SLC4A9: variants seen among roughly 807,000 people sequenced by gnomAD.
The protein encoded by SLC4A9 is anion exchange protein 4.
Under a neutral mutation model 103.2 loss-of-function variants are expected in SLC4A9, and 102 were observed. The observed-to-expected ratio is 0.99, with a 90% CI of 0.84 to 1.17. The LOEUF (loss-of-function observed/expected upper bound fraction) is 1.17, where lower values mean the gene tolerates loss of function less well. SLC4A9 is among the 50% of genes most tolerant of loss of function. The pLI, the probability that SLC4A9 is intolerant of heterozygous loss-of-function variation, is 0.00. For synonymous variants in SLC4A9, 453 were observed against 483.6 expected (o/e 0.94, Z 0.83); for missense variants, 1,091 against 1,193.7 (o/e 0.91, Z 1.27).
chr5:140,367,805 C>G lies in SLC4A9; in HGVS notation c.2261C>G (p.Ser754Ter). The change falls in exon 16 of 22, where the codon TCA becomes TGA. Residue 754 changes from serine to a stop codon, truncating the protein, a stop_gained. Transcript: ENST00000506757. LOFTEE classifies it high-confidence loss of function. ...GCGCTTGGACTGCCTTGGTATGTCT[C>G]AGCCACTGTCATCTCCCTGGCTCAC... is the stretch of plus-strand genomic sequence containing the variant. The part of the protein sequence containing the change: ...TSALGLPWYV[S>*]ATVISLAHMD... 6.2e-7 allele frequency: 1 copy of G among 1,613,992 alleles called. No homozygotes were observed. The highest frequency in any genetic ancestry group is 8.5e-7 in the Non-Finnish European group (1 of 1,179,896).
Position 140,363,190 on chromosome 5 carries a change from G to A in SLC4A9, c.962+124G>A, listed in dbSNP as rs1767360955. On this transcript the variant is annotated intron_variant, in intron 7 of 21. Transcript: ENST00000506757. The surrounding 1 kb of genome is among the most constrained non-coding windows in gnomAD (Gnocchi z 4.5). ...GACCTATCTTTGGATTTGGAGTCAG[G>A]CAGACCTAACTCTGAGTTCTGCTGG... 2.3e-6 allele frequency: 3 copies of A among 1,304,808 alleles called. No individual in the cohort carries two copies. Among genetic ancestry groups the A allele is most frequent in the African/African-American group, 1.5e-5 (1 of 66,278 alleles). The allele number at this position is 1,304,808 out of a possible 1,614,324, so 80.8% of individuals were successfully genotyped here. A position where few individuals can be genotyped will look rare whatever the true frequency, so the allele number is the denominator to read the frequency against.
intron 13 of SLC4A9, 34 bp from the exon 14 acceptor site, chr5:140,366,117 G>A (rs751128341): frequency 6.2e-7 from 1 of 1,609,580 alleles, no homozygotes; most frequent in Non-Finnish European, 8.5e-7. Context: ...GAGATGGCAG[G>A]CCTGGACCTG....
Position 140,372,784 on chromosome 5 carries a change from A to C in SLC4A9, c.2866A>C (p.Ile956Leu). The C allele has an allele frequency of 6.4e-7, 1 of 1,573,942 alleles. No individual in the cohort carries two copies. Residue 956 changes from isoleucine to leucine, a missense_variant, in exon 21 of 22, where the codon ATT becomes CTT. Transcript: ENST00000506757. Reference protein sequence around the residue: ...MYQPKAPEINISVN With the variant: ...MYQPKAPEINLSVN Reference sequence around the variant, plus strand: ...TCAGCCAAAGGCTCCAGAAATCAACATTTCTGTGAATTAGCTGGAGTAGGA... The same window carrying C: ...TCAGCCAAAGGCTCCAGAAATCAACCTTTCTGTGAATTAGCTGGAGTAGGA...
rs2126753281 is a variant in SLC4A9, at chr5:140,363,452, C to T, written c.976C>T (p.Gln326Ter). 6.4e-7 allele frequency: 1 copy of T among 1,551,324 alleles called. No homozygotes were observed. The highest frequency in any genetic ancestry group is 8.7e-7 in the Non-Finnish European group (1 of 1,147,000). Reference sequence around the variant, plus strand: ...CCTCCTCCTCAGGCTTCCCTCGCAACAGCGGGAGATCAGAGGTCCCGCCGT... The same window carrying T: ...CCTCCTCCTCAGGCTTCCCTCGCAATAGCGGGAGATCAGAGGTCCCGCCGT... Reference protein sequence around the residue: ...PSQHKRLPSQQREIRGPAVPR... With the variant: ...PSQHKRLPSQ The change falls in exon 8 of 22, where the codon CAG (glutamine) becomes TAG (stop). Residue 326 changes from glutamine to a stop codon, truncating the protein, a stop_gained. Coordinates refer to ENST00000506757, the MANE Select transcript of SLC4A9 (RefSeq NM_031467.3). LOFTEE classifies it high-confidence loss of function. The surrounding 1 kb of genome is among the most constrained non-coding windows in gnomAD (Gnocchi z 4.5).
Position 140,361,818 on chromosome 5 carries a change from T to C in SLC4A9, c.516T>C (p.His172=). 1 of 1,613,980 alleles carries C rather than the reference T, an allele frequency of 6.2e-7. No individual in the cohort carries two copies. The highest frequency in any genetic ancestry group is 1.1e-5 in the South Asian group (1 of 91,082). Residue 172 remains histidine (H), a synonymous_variant, in exon 4 of 22, where the codon CAT becomes CAC. Transcript: ENST00000506757. The stretch of plus-strand genomic sequence containing the variant: ...AATCCTGTTTTGTAGGCTCTACTCA[T>C]CCAAGAAAGGCTTCTGACAATGAGG... ...TGTRPCWGST[H]PRKASDNEEA... is the part of the protein sequence containing the mutation.
chr5:140,360,707 C>A (rs1561565761), intron 1 of SLC4A9, 105 bp from the exon 2 acceptor site: 2 of 1,546,204 alleles, frequency 1.3e-6, no homozygotes, highest in Non-Finnish European at 8.8e-7. Flanking sequence ...CACCACTGGG[C>A]CCAGGATGCC....
intron 21 of SLC4A9, among the ~76,000 whole-genome samples, chr5:140,373,144 G>A (rs1012050456): frequency 6.6e-5 from 10 of 152,224 alleles, no homozygotes; most frequent in African/African-American, 2.2e-4. Flanking sequence ...GAATGGGAAA[G>A]AGTGGGAAGG....
rs986740030 is a variant in SLC4A9, at chr5:140,366,747, A to T, written c.2013+483A>T. Among the ~76,000 whole-genome samples, 31 of 152,298 alleles carry T rather than the reference A, an allele frequency of 2.0e-4. No homozygotes were observed. In the East Asian group the frequency reaches 6.0e-3, roughly 29 times the overall value. Reference sequence around the variant, plus strand: ...AAATGTTAGCTATTATTGTTACGGGATTGCCCCACCCTTGGCGTGGCCCTG... The same window carrying T: ...AAATGTTAGCTATTATTGTTACGGGTTTGCCCCACCCTTGGCGTGGCCCTG... On this transcript the variant is annotated intron_variant, in intron 14 of 21. Coordinates refer to ENST00000506757, the MANE Select transcript of SLC4A9 (RefSeq NM_031467.3).
rs768872006 is a variant in SLC4A9, at chr5:140,371,572, G to C, written c.2618G>C (p.Gly873Ala). The change falls in exon 19 of 22, where the codon GGG becomes GCG. Residue 873 changes from glycine to alanine, a missense_variant. By Grantham distance (60) the Gly-to-Ala change is moderately conservative. Coordinates refer to ENST00000506757, the MANE Select transcript of SLC4A9 (RefSeq NM_031467.3). ...LFTAIQLACL[G>A]LLWIIKSTPA... ...ACAGCCATCCAGCTTGCCTGTCTGGGGCTGCTTTGGATAATCAAGTCTACC... is the reference window on the plus strand; with the variant it reads ...ACAGCCATCCAGCTTGCCTGTCTGGCGCTGCTTTGGATAATCAAGTCTACC... The C allele has an allele frequency of 6.2e-7, 1 of 1,613,964 alleles. No individual in the cohort carries two copies. The highest frequency in any genetic ancestry group is 1.1e-5 in the South Asian group (1 of 91,086).
chr5:140,373,948 C>T (rs1314799618), intron 21 of SLC4A9, among the ~76,000 whole-genome samples: 1 of 152,088 alleles, frequency 6.6e-6, no homozygotes, highest in East Asian at 1.9e-4. Flanking sequence ...AATCCCAGCA[C>T]TTTGGGAGGC....
chr5:140,366,092 T>A, intron 13 of SLC4A9, 59 bp from the exon 14 acceptor site: 1 of 1,607,018 alleles, frequency 6.2e-7, no homozygotes, highest in Non-Finnish European at 8.5e-7. Flanking sequence ...TGATGGGAAG[T>A]GGTGTGGAAA....
At position 140,362,287 on chromosome 5, in the gene SLC4A9, C is replaced by A. The variant is rs539988979; in HGVS notation, c.719+113C>A. ...CTCTGAGGCTGTGGGGAGGATGGTG[C>A]TCAGGGGTCTGGGGAGAGAGTAGTG... On this transcript the variant is annotated intron_variant, in intron 5 of 21. Coordinates refer to ENST00000506757, the MANE Select transcript of SLC4A9 (RefSeq NM_031467.3). The A allele has an allele frequency of 2.1e-4, 274 of 1,308,786 alleles. No individual in the cohort carries two copies. The South Asian group carries it at 3.8e-3, about 18-fold the overall frequency. 81.1% of individuals were successfully genotyped at this position (1,308,786 alleles called of 1,614,324 possible).
chr5:140,363,510 G>A lies in SLC4A9; in HGVS notation c.1034G>A (p.Arg345His). The change falls in exon 8 of 22, where the codon CGC (arginine) becomes CAC (histidine). Residue 345 changes from arginine to histidine, a missense_variant. Coordinates refer to ENST00000506757, the MANE Select transcript of SLC4A9 (RefSeq NM_031467.3). The surrounding 1 kb of genome is among the most constrained non-coding windows in gnomAD (Gnocchi z 4.5). Reference sequence around the variant, plus strand: ...CTGACCTCGGCTGAGGACAGGCACCGCCATGGGCCACACGCACACAGCCCG... The same window carrying A: ...CTGACCTCGGCTGAGGACAGGCACCACCATGGGCCACACGCACACAGCCCG... ...PRLTSAEDRH[R>H]HGPHAHSPEL... is the part of the protein sequence containing the mutation. 2.6e-6 allele frequency: 4 copies of A among 1,552,166 alleles called. No homozygotes were observed. Among genetic ancestry groups the A allele is most frequent in the Non-Finnish European group, 8.7e-7 (1 of 1,147,570 alleles).
At chr5:140,372,430 G>C (rs1768869057) in intron 20 of SLC4A9, 33 bp downstream of exon 20, 1 of 1,600,282 alleles carries the variant, frequency 6.2e-7, no homozygotes, top group Non-Finnish European at 8.5e-7. Flanking sequence ...TCAGGAGAAT[G>C]TGTCAGGGTT....
chr5:140,361,592 C>T (rs976847610), intron 3 of SLC4A9, among the ~76,000 whole-genome samples: 2 of 152,196 alleles, frequency 1.3e-5, no homozygotes, highest in South Asian at 4.1e-4. Flanking sequence ...CTAGGCCTAC[C>T]ATTTGATCTT....
At chr5:140,364,341 T>G in intron 10 of SLC4A9, 22 bp from the exon 11 acceptor site, 1 of 1,611,280 alleles carries the variant, frequency 6.2e-7, no homozygotes, top group Non-Finnish European at 8.5e-7. Flanking sequence ...TAAGCCAGCC[T>G]TCCTGTCTCT....
In SLC4A9 at chr5:140,369,214, G is replaced by A. The variant is rs149470189; in HGVS notation, c.2427+555G>A. On this transcript the variant is annotated intron_variant, in intron 17 of 21. Transcript: ENST00000506757. Reference sequence around the variant, plus strand: ...GGTGTGTGCCTAAGGTGGAAGGATCGCTTGAGCCCAGGAGTTTGAGAGTGC... The same window carrying A: ...GGTGTGTGCCTAAGGTGGAAGGATCACTTGAGCCCAGGAGTTTGAGAGTGC... 2.0e-5 allele frequency among the ~76,000 whole-genome samples: 3 copies of A among 151,440 alleles called. 1 individual carries two copies. Among genetic ancestry groups the A allele is most frequent in the Admixed American group, 1.3e-4 (2 of 15,194 alleles).
chr5:140,362,591 C>T (rs1767261889), intron 6 of SLC4A9, 59 bp downstream of exon 6: 7 of 1,493,232 alleles, frequency 4.7e-6, no homozygotes, highest in African/African-American at 1.4e-5. Context: ...TGTGTGTGTG[C>T]ACACATGCAT....
chr5:140,363,763 A>G lies in SLC4A9; in HGVS notation c.1115A>G (p.Lys372Arg), dbSNP rs201689706. The change falls in exon 9 of 22, where the codon AAG (lysine) becomes AGG (arginine). Residue 372 changes from lysine (K) to arginine (R), a missense_variant. By Grantham distance (26) the Lys-to-Arg change is conservative. Transcript: ENST00000506757. The surrounding 1 kb of genome is among the most constrained non-coding windows in gnomAD (Gnocchi z 4.5). ...GGCCTTATCCAGGACGTGCGCAGGA[A>G]GGTCCCGTGGTACCCCAGCGATTTC... ...FGGLIQDVRR[K>R]VPWYPSDFLD... The G allele has an allele frequency of 1.5e-5, 25 of 1,613,936 alleles. No individual in the cohort carries two copies. The Admixed American group carries it at 4.0e-4, about 26-fold the overall frequency.
Sources: gnomAD v4.1 joint callset for allele counts (sites outside exome capture counted in the v4.1 genomes callset) on GRCh38, gnomAD v4.1.1 for gene constraint, Gnocchi (gnomAD v3.1) non-coding constraint, MANE v1.5 for transcripts, NCBI Gene and HGNC (gene_info 2026-07-23, HGNC 2026-07-21) for gene names.